VPS50: variants seen among roughly 807,000 people sequenced by gnomAD.
VPS50 encodes the protein syndetin.
Under a neutral mutation model 139.7 loss-of-function variants are expected in VPS50, and 70 were observed. The observed-to-expected ratio is 0.50, with a 90% CI of 0.41 to 0.61. VPS50 has a LOEUF of 0.61. VPS50 is among the 20% of genes least tolerant of loss of function. The pLI is 0.00. For synonymous variants in VPS50, 365 were observed against 376.7 expected (o/e 0.97, Z 0.36); for missense variants, 921 against 1,133.7 (o/e 0.81, Z 2.69).
chr7:93,242,990 G>A (rs911687126), intron 2 of VPS50, among the ~76,000 whole-genome samples: 6 of 151,926 alleles, frequency 3.9e-5, no homozygotes, highest in African/African-American at 1.4e-4. Flanking sequence ...TAAGCCAGAT[G>A]GTATTATTTA....
At chr7:93,276,092 GT>G (rs1796144154) in intron 11 of VPS50, 72 bp from the exon 12 acceptor site, 5 of 1,362,742 alleles carry the variant, frequency 3.7e-6, no homozygotes, top group Admixed American at 2.2e-5. Context: ...GTTTCCCTGG[GT>G]TTTTTCAATT....
chr7:93,284,658 T>C (rs1384642500), intron 12 of VPS50, among the ~76,000 whole-genome samples: 1 of 152,230 alleles, frequency 6.6e-6, no homozygotes, highest in Non-Finnish European at 1.5e-5. Context: ...GCAAGGAAAG[T>C]TTTGCTAAAA....
chr7:93,251,568 A>G (rs1325460286), intron 2 of VPS50, among the ~76,000 whole-genome samples: 1 of 152,142 alleles, frequency 6.6e-6, no homozygotes, highest in Non-Finnish European at 1.5e-5. Flanking sequence ...CCTAATGTAG[A>G]TGATGAGTTG....
At chr7:93,248,161 T>G (rs1200309709) in intron 2 of VPS50, among the ~76,000 whole-genome samples, 1 of 151,926 alleles carries the variant, frequency 6.6e-6, no homozygotes, top group African/African-American at 2.4e-5. Context: ...CTGAAATATT[T>G]TATCCTAGAC....
intron 23 of VPS50, among the ~76,000 whole-genome samples, chr7:93,342,343 G>T (rs778938674): frequency 6.6e-6 from 1 of 152,170 alleles, no homozygotes; most frequent in African/African-American, 2.4e-5. Flanking sequence ...ACGAAGTCTC[G>T]CTGATTGCTA....
chr7:93,311,091 A>AG, intron 19 of VPS50, 75 bp from the exon 20 acceptor site: 1 of 764,078 alleles, frequency 1.3e-6, no homozygotes, highest in African/African-American at 1.7e-5. Flanking sequence ...AATAAAGGCT[A>AG]GGGACCTATC....
At chr7:93,350,124 G>T in intron 25 of VPS50, 91 bp downstream of exon 25, 1 of 791,118 alleles carries the variant, frequency 1.3e-6, no homozygotes. Context: ...TAAGATTATA[G>T]TTATTACCAC....
intron 2 of VPS50, among the ~76,000 whole-genome samples, chr7:93,242,592 A>G (rs189670201): frequency 1.3e-5 from 2 of 152,026 alleles, no homozygotes; most frequent in East Asian, 3.9e-4. Flanking sequence ...AATTTGTGCT[A>G]TTTAAGTAGT....
chr7:93,259,852 G>C (rs1795612541), intron 9 of VPS50, among the ~76,000 whole-genome samples: 1 of 152,072 alleles, frequency 6.6e-6, no homozygotes, highest in South Asian at 2.1e-4. Context: ...TCACCTCATT[G>C]AAACTCATTT....
At chr7:93,259,888 T>C (rs1358233006) in intron 9 of VPS50, among the ~76,000 whole-genome samples, 1 of 152,194 alleles carries the variant, frequency 6.6e-6, no homozygotes, top group East Asian at 1.9e-4. Flanking sequence ...ATCCAACTGA[T>C]TCTATTTTTA....
intron 12 of VPS50, among the ~76,000 whole-genome samples, chr7:93,277,911 T>C (rs975815816): frequency 3.9e-5 from 6 of 152,114 alleles, no homozygotes; most frequent in African/African-American, 1.4e-4. Context: ...CTAATAAGTT[T>C]TATTAATTTT....
chr7:93,259,637 G>A lies in VPS50; in HGVS notation c.659+5G>A. On this transcript the variant is annotated splice_donor_5th_base_variant and intron_variant, in intron 9 of 27. Transcript: ENST00000305866. ...TAAACATTACAGTTGTATAAGGTAAGGTCATGTAAATGTTTTAAAGCAGAT... is the reference window on the plus strand; with the variant it reads ...TAAACATTACAGTTGTATAAGGTAAAGTCATGTAAATGTTTTAAAGCAGAT... The A allele has an allele frequency of 6.6e-7, 1 of 1,512,422 alleles. No homozygotes were observed. Among genetic ancestry groups the A allele is most frequent in the Non-Finnish European group, 9.2e-7 (1 of 1,089,762 alleles). The allele number at this position is 1,512,422 out of a possible 1,614,324, so 93.7% of individuals were successfully genotyped here. A position where few individuals can be genotyped will look rare whatever the true frequency, so the allele number is the denominator to read the frequency against.
intron 3 of VPS50, 109 bp from the exon 4 acceptor site, chr7:93,253,751 A>G: frequency 1.7e-6 from 1 of 600,916 alleles, no homozygotes; most frequent in Non-Finnish European, 3.0e-6. Flanking sequence ...GGGATGTGAC[A>G]CTGTTTTGTA....
chr7:93,285,976 AT>A (rs944180594), intron 12 of VPS50, among the ~76,000 whole-genome samples: 14 of 151,892 alleles, frequency 9.2e-5, no homozygotes, highest in East Asian at 5.8e-4. Flanking sequence ...GAGTTTATGG[AT>A]TTTTTTTAAA....
At chr7:93,280,394 A>G (rs1004463545) in intron 12 of VPS50, among the ~76,000 whole-genome samples, 2 of 152,294 alleles carry the variant, frequency 1.3e-5, no homozygotes, top group African/African-American at 4.8e-5. Context: ...CTTAGCAGCA[A>G]GATTTCCAAA....
At chr7:93,257,780 A>ATCTGTTCTT in intron 6 of VPS50, 1 of 244,902 alleles carries the variant, frequency 4.1e-6, no homozygotes, top group Non-Finnish European at 7.6e-6. Context: ...TTTTTTAAAA[A>ATCTGTTCTT]TGCAGTAAAA....
Position 93,355,940 on chromosome 7 carries a change from T to C in VPS50, c.2635T>C (p.Leu879=), listed in dbSNP as rs2374639. ...TAATGAGGGTCGTGCCCTGATGCAA[T>C]TGGATTTTCAACAGTTTTTAATGAA... ...CSNEGRALMQ[L]DFQQFLMKLE... The change falls in exon 27 of 28, where the codon TTG becomes CTG. Residue 879 remains leucine, a synonymous_variant. Transcript: ENST00000305866. 473,510 of 1,600,288 alleles carry C rather than the reference T, an allele frequency of 0.3. 71,180 individuals are homozygous for C. Among genetic ancestry groups the C allele is most frequent in the African/African-American group, 0.36 (26,520 of 74,660 alleles).
intron 9 of VPS50, among the ~76,000 whole-genome samples, chr7:93,261,453 G>A (rs1400602571): frequency 3.3e-5 from 5 of 151,994 alleles, no homozygotes; most frequent in Non-Finnish European, 5.9e-5. Flanking sequence ...CGAGGCGGGC[G>A]GATCACGAGG....
rs1452945767 is a variant in VPS50 at position 93,317,415 on chromosome 7, T to G, written c.1855+6143T>G. On this transcript the variant is annotated intron_variant, in intron 20 of 27. Coordinates refer to ENST00000305866, the MANE Select transcript of VPS50 (RefSeq NM_017667.4). ...AAATACAAAAGTTAGCCAGATGTGGTGGGGCACTCCTGTAATCCCAGCTAC... is the reference window on the plus strand; with the variant it reads ...AAATACAAAAGTTAGCCAGATGTGGGGGGGCACTCCTGTAATCCCAGCTAC... 2.6e-5 allele frequency among the ~76,000 whole-genome samples: 4 copies of G among 152,002 alleles called. No individual in the cohort carries two copies. The South Asian group carries it at 8.3e-4, about 32-fold the overall frequency.
Sources: allele counts gnomAD v4.1 joint callset (sites outside exome capture counted in the v4.1 genomes callset), GRCh38; gene constraint gnomAD v4.1.1; transcripts MANE v1.5; gene names NCBI Gene and HGNC (gene_info 2026-07-23, HGNC 2026-07-21).